Variants in EXOC4 observed in about 807,000 individuals in gnomAD.
The protein encoded by EXOC4 is SEC8-like 1.
In EXOC4, 71 loss-of-function variants were observed where a neutral mutation model predicts 107.2. That is an observed-to-expected ratio of 0.66 (90% CI 0.55 to 0.81). EXOC4 has a LOEUF of 0.81. Ranked by LOEUF, EXOC4 falls within the 30% of genes least tolerant of loss-of-function variation. The probability of loss-of-function intolerance (pLI) is 0.00; values close to 1 mark genes in which losing one functional copy is unlikely to be tolerated. For missense variants in EXOC4, 1,108 were observed against 1,189.6 expected (o/e 0.93, Z 1.01); for synonymous variants, 456 against 441.2 (o/e 1.03, Z -0.42).
chr7:133,483,662 G>A (rs999069765), intron 9 of EXOC4, among the ~76,000 whole-genome samples: 3 of 152,170 alleles, frequency 2.0e-5, no homozygotes, highest in African/African-American at 4.8e-5. Context: ...AATACTTTAG[G>A]TGAGCTGACA....
chr7:133,879,931 C>G (rs908053566), intron 11 of EXOC4, among the ~76,000 whole-genome samples: 4 of 152,208 alleles, frequency 2.6e-5, no homozygotes, highest in African/African-American at 4.8e-5. Flanking sequence ...CTTCCACAAG[C>G]TGGCACCCCC....
At chr7:133,895,448 C>T in intron 11 of EXOC4, 151 bp from the exon 12 acceptor site, 2 of 758,270 alleles carry the variant, frequency 2.6e-6, no homozygotes, top group South Asian at 1.7e-5. Context: ...CATCTTGGCT[C>T]CTCCCCCTGT....
intron 11 of EXOC4, among the ~76,000 whole-genome samples, chr7:133,830,711 A>T (rs943357375): frequency 4.6e-5 from 7 of 152,192 alleles, no homozygotes; most frequent in Admixed American, 4.6e-4. Flanking sequence ...TATTATATTA[A>T]TATCTTACAC....
intron 9 of EXOC4, among the ~76,000 whole-genome samples, chr7:133,512,428 T>TAA (rs371729448): frequency 1.4e-5 from 2 of 142,268 alleles, no homozygotes; most frequent in Non-Finnish European, 3.1e-5. Flanking sequence ...GACTCCATCT[T>TAA]AAAAAAAAAA....
At chr7:133,544,622 A>G (rs1177263043) in intron 9 of EXOC4, among the ~76,000 whole-genome samples, 1 of 152,094 alleles carries the variant, frequency 6.6e-6, no homozygotes, top group Non-Finnish European at 1.5e-5. Flanking sequence ...CAATACTGTC[A>G]TACTGTCATT....
At chr7:133,513,305 G>A (rs1799810204) in intron 9 of EXOC4, among the ~76,000 whole-genome samples, 1 of 152,138 alleles carries the variant, frequency 6.6e-6, no homozygotes, top group South Asian at 2.1e-4. Context: ...CTGAGCTCAA[G>A]CGATCCATCG....
intron 10 of EXOC4, among the ~76,000 whole-genome samples, chr7:133,735,397 G>T (rs1478199566): frequency 6.6e-6 from 1 of 151,836 alleles, no homozygotes; most frequent in African/African-American, 2.4e-5. Context: ...TCTACTAGAT[G>T]ACTTACAAGT....
At chr7:133,905,340 G>A (rs1799542116) in intron 12 of EXOC4, among the ~76,000 whole-genome samples, 1 of 152,208 alleles carries the variant, frequency 6.6e-6, no homozygotes, top group South Asian at 2.1e-4. Context: ...TTTGGATAAA[G>A]AGGGGTTTCC....
chr7:133,766,496 A>G (rs1796141558), intron 10 of EXOC4, among the ~76,000 whole-genome samples: 1 of 151,952 alleles, frequency 6.6e-6, no homozygotes, highest in African/African-American at 2.4e-5. Flanking sequence ...ACCTCAGTGG[A>G]ATTTGGACTG....
chr7:133,781,043 G>C (rs1796455092), intron 10 of EXOC4, among the ~76,000 whole-genome samples: 1 of 152,190 alleles, frequency 6.6e-6, no homozygotes, highest in East Asian at 1.9e-4. Flanking sequence ...CACTGAGTCA[G>C]CAACCCCAAC....
At chr7:133,627,404 A>G (rs1305392174) in intron 9 of EXOC4, among the ~76,000 whole-genome samples, 1 of 152,184 alleles carries the variant, frequency 6.6e-6, no homozygotes, top group East Asian at 1.9e-4. Flanking sequence ...ACTTAAGAAT[A>G]TTTAGAAACC....
At chr7:133,369,800 CTTT>C (rs35258276) in intron 6 of EXOC4, among the ~76,000 whole-genome samples, 3 of 86,640 alleles carry the variant, frequency 3.5e-5, no homozygotes, top group Non-Finnish European at 6.4e-5. Context: ...ACTAGATTTC[CTTT>C]TTTTTTTTTT....
At chr7:133,538,263 C>T (rs17167135) in intron 9 of EXOC4, among the ~76,000 whole-genome samples, 34,483 of 152,028 alleles carry the variant, frequency 0.23, 5,370 homozygotes, top group East Asian at 0.51. Flanking sequence ...CTTTCATTAT[C>T]GGTCATCCTT....
At chr7:134,078,431 A>G in the EXOC4 span, among the ~76,000 whole-genome samples, 3 of 152,124 alleles carry the variant, frequency 2.0e-5, no homozygotes, top group Non-Finnish European at 4.4e-5. Context: ...CCCTGCTCCA[A>G]AATCCTGATG....
At chr7:134,067,149 CA>C (rs10597442), downstream of EXOC4, among the ~76,000 whole-genome samples, 286 of 121,780 alleles carry the variant, frequency 2.3e-3, no homozygotes, top group South Asian at 6.0e-3. Context: ...CACTCTGTCT[CA>C]AAAAAAAAAA....
intron 9 of EXOC4, among the ~76,000 whole-genome samples, chr7:133,507,479 A>C (rs1235189683): frequency 6.6e-6 from 1 of 152,208 alleles, no homozygotes; most frequent in Non-Finnish European, 1.5e-5. Flanking sequence ...TAATTTACTC[A>C]AGGTTGTACC....
the EXOC4 span, among the ~76,000 whole-genome samples, chr7:134,076,344 C>T: frequency 0.095 from 14,502 of 152,096 alleles, 912 homozygotes; most frequent in Non-Finnish European, 0.14. Flanking sequence ...GGTGAAACCC[C>T]GTCTCTACTA....
intron 17 of EXOC4, among the ~76,000 whole-genome samples, chr7:134,013,211 C>T (rs944125724): frequency 1.3e-5 from 2 of 152,166 alleles, no homozygotes; most frequent in Non-Finnish European, 2.9e-5. Flanking sequence ...TCAGTATCAA[C>T]ATGCATAAAT....
the EXOC4 span, among the ~76,000 whole-genome samples, chr7:134,099,745 C>T: frequency 6.6e-6 from 1 of 151,788 alleles, no homozygotes; most frequent in Non-Finnish European, 1.5e-5. Context: ...TTGCTCTTGT[C>T]ACCCAGTCTG....
Sources: gnomAD v4.1 joint callset for allele counts (sites outside exome capture counted in the v4.1 genomes callset) on GRCh38, gnomAD v4.1.1 for gene constraint, MANE v1.5 for transcripts, NCBI Gene and HGNC (gene_info 2026-07-23, HGNC 2026-07-21) for gene names.